HEMK2: variants seen among roughly 807,000 people sequenced by gnomAD.
HEMK2 encodes the protein methyltransferase HEMK2.
At chr21:28,714,681 A>G in the HEMK2 span, among the ~76,000 whole-genome samples, 1 of 152,196 alleles carries the variant, frequency 6.6e-6, no homozygotes, top group Non-Finnish European at 1.5e-5. Flanking sequence ...TTTGGGGTAC[A>G]TGTGCAGGTT....
chr21:28,621,097 C>T, the HEMK2 span, among the ~76,000 whole-genome samples: 1 of 151,918 alleles, frequency 6.6e-6, no homozygotes, highest in East Asian at 1.9e-4. Context: ...TATTTCTTGT[C>T]TTCTGCTAGC....
chr21:28,659,794 T>C, the HEMK2 span, among the ~76,000 whole-genome samples: 1 of 152,064 alleles, frequency 6.6e-6, no homozygotes, highest in South Asian at 2.1e-4. Context: ...TTGCCTGGGC[T>C]ATCTTTGGTC....
At chr21:28,619,792 G>C in the HEMK2 span, among the ~76,000 whole-genome samples, 4 of 152,144 alleles carry the variant, frequency 2.6e-5, no homozygotes, top group African/African-American at 2.4e-5. Flanking sequence ...ATTTGGGTTT[G>C]GGTTGCTAAG....
the HEMK2 span, among the ~76,000 whole-genome samples, chr21:28,644,461 C>A: frequency 6.6e-6 from 1 of 152,104 alleles, no homozygotes. Flanking sequence ...CACCTATTGG[C>A]CACTGCAAAG....
At chr21:28,588,687 G>A in the HEMK2 span, among the ~76,000 whole-genome samples, 1 of 152,088 alleles carries the variant, frequency 6.6e-6, no homozygotes, top group Admixed American at 6.6e-5. Context: ...AGAGCTAAAA[G>A]GATCCGGGTG....
the HEMK2 span, among the ~76,000 whole-genome samples, chr21:28,805,678 T>G: frequency 6.6e-6 from 1 of 152,172 alleles, no homozygotes; most frequent in Non-Finnish European, 1.5e-5. Flanking sequence ...TGCTTTTTTT[T>G]TCTCCGAAAC....
the HEMK2 span, chr21:28,878,272 TCCATGACTTCCCGA>T: frequency 8.7e-6 from 14 of 1,611,942 alleles, no homozygotes; most frequent in Non-Finnish European, 1.2e-5. Context: ...AAAAAACCTG[TCCATGACTTCCCGA>T]CCATTTCTGC....
the HEMK2 span, among the ~76,000 whole-genome samples, chr21:28,604,777 A>T: frequency 1.3e-5 from 2 of 152,116 alleles, no homozygotes; most frequent in East Asian, 1.9e-4. Context: ...CCAAAGCCTC[A>T]CACCATTTGC....
the HEMK2 span, among the ~76,000 whole-genome samples, chr21:28,876,781 T>C: frequency 1.3e-5 from 2 of 152,096 alleles, no homozygotes; most frequent in African/African-American, 4.8e-5. Flanking sequence ...TTATAGCAAG[T>C]GATCAGTTTT....
At chr21:28,767,374 T>A in the HEMK2 span, among the ~76,000 whole-genome samples, 19 of 147,732 alleles carry the variant, frequency 1.3e-4, no homozygotes, top group East Asian at 5.9e-4. Flanking sequence ...TACTGAAATT[T>A]AAAAAAAAAA....
chr21:28,804,284 G>A, the HEMK2 span, among the ~76,000 whole-genome samples: 1 of 152,074 alleles, frequency 6.6e-6, no homozygotes, highest in Non-Finnish European at 1.5e-5. Context: ...CTGTGACTTT[G>A]GTACTGCTTA....
the HEMK2 span, among the ~76,000 whole-genome samples, chr21:28,770,282 C>T: frequency 6.6e-6 from 1 of 152,114 alleles, no homozygotes; most frequent in Non-Finnish European, 1.5e-5. Context: ...GAAACCCTTT[C>T]CTTTAGGATT....
At chr21:28,653,023 C>T in the HEMK2 span, among the ~76,000 whole-genome samples, 1 of 152,086 alleles carries the variant, frequency 6.6e-6, no homozygotes, top group Admixed American at 6.6e-5. Context: ...CATTAACCCT[C>T]CCCTTAATTT....
At chr21:28,591,329 C>T in the HEMK2 span, among the ~76,000 whole-genome samples, 1 of 152,112 alleles carries the variant, frequency 6.6e-6, no homozygotes, top group South Asian at 2.1e-4. Flanking sequence ...ATGCTGTTGC[C>T]AATCCTTGGA....
At chr21:28,620,693 A>T in the HEMK2 span, among the ~76,000 whole-genome samples, 4 of 26,980 alleles carry the variant, frequency 1.5e-4, no homozygotes, top group Non-Finnish European at 1.9e-4. Flanking sequence ...TTTTTTTTTG[A>T]GACAGAGTCT....
At chr21:28,819,807 C>T in the HEMK2 span, among the ~76,000 whole-genome samples, 6 of 152,046 alleles carry the variant, frequency 3.9e-5, no homozygotes, top group African/African-American at 1.2e-4. Context: ...CTCGGCCTCC[C>T]AAAGTGCTGG....
chr21:28,758,325 G>A, the HEMK2 span, among the ~76,000 whole-genome samples: 1 of 152,152 alleles, frequency 6.6e-6, no homozygotes, highest in Non-Finnish European at 1.5e-5. Flanking sequence ...CAATCATGTT[G>A]GGCGGGACAA....
the HEMK2 span, chr21:28,882,305 A>G: frequency 7.6e-7 from 1 of 1,307,366 alleles, no homozygotes; most frequent in Non-Finnish European, 1.1e-6. Flanking sequence ...CAAATCTGTT[A>G]CTGAGTAATA....
chr21:28,850,425 C>T, the HEMK2 span, among the ~76,000 whole-genome samples: 8 of 151,872 alleles, frequency 5.3e-5, no homozygotes, highest in African/African-American at 1.7e-4. Flanking sequence ...GGGGTTTCAC[C>T]GTGTTAGCCA....
Sources: allele counts gnomAD v4.1 joint callset (sites outside exome capture counted in the v4.1 genomes callset), GRCh38; gene constraint gnomAD v4.1.1; transcripts MANE v1.5; gene names NCBI Gene and HGNC (gene_info 2026-07-23, HGNC 2026-07-21).